PIP4K2B: variants seen among roughly 807,000 people sequenced by gnomAD.
PIP4K2B encodes phosphatidylinositol-5-phosphate 4-kinase type 2 beta.
Under a neutral mutation model 42.0 loss-of-function variants are expected in PIP4K2B, and 3 were observed. The ratio of observed to expected loss-of-function variants is 0.07; its 90% CI spans 0.03 to 0.18. The LOEUF (loss-of-function observed/expected upper bound fraction) is 0.18, where lower values mean the gene tolerates loss of function less well. Among genes scored for constraint, PIP4K2B ranks in the 10% least tolerant of loss-of-function variants. The pLI is 1.00. For missense variants in PIP4K2B, 332 were observed against 562.3 expected, an observed-to-expected ratio of 0.59 and a Z score of 4.14; for synonymous variants, 204 against 210.1, an observed-to-expected ratio of 0.97 and a Z score of 0.25.
intron 7 of PIP4K2B, chr17:38,776,627 T>A (rs1567654725): frequency 2.4e-6 from 1 of 423,912 alleles, no homozygotes; most frequent in Non-Finnish European, 4.7e-6. Context: ...GAGAATCTCC[T>A]AAAAAAAAAC....
At chr17:38,790,413 G>A (rs920511043) in intron 1 of PIP4K2B, among the ~76,000 whole-genome samples, 5 of 152,182 alleles carry the variant, frequency 3.3e-5, no homozygotes, top group African/African-American at 7.2e-5. Flanking sequence ...TCGGCTGGGC[G>A]CAGTGGCTCA....
rs779324819 is a variant in PIP4K2B, at chr17:38,786,844, A to G, written c.236T>C (p.Val79Ala). Residue 79 changes from valine (V) to alanine (A), a missense_variant, in exon 2 of 10, where the codon GTG (valine) becomes GCG (alanine). This residue lies in a region of PIP4K2B where 186 missense variants were observed against 288.4 expected (regional missense o/e 0.64). Transcript: ENST00000619039. ...DDFKAYSKIK[V>A]DNHLFNKENL... ...TTACTTATTGAAGAGATGATTGTCC[A>G]CCTTGATCTTGCTGTAGGCTTTGAA... 17 of 1,609,930 alleles carry G rather than the reference A, an allele frequency of 1.1e-5. No individual in the cohort carries two copies. The highest frequency in any genetic ancestry group is 1.4e-5 in the Non-Finnish European group (16 of 1,176,246).
chr17:38,784,161 C>G (rs1038719256), intron 3 of PIP4K2B, 82 bp downstream of exon 3: 17 of 826,180 alleles, frequency 2.1e-5, no homozygotes, highest in Non-Finnish European at 3.5e-5. Flanking sequence ...ACAGCCAACA[C>G]GTTTTGATTC....
At chr17:38,794,361 C>A (rs1274243245) in intron 1 of PIP4K2B, among the ~76,000 whole-genome samples, 1 of 151,876 alleles carries the variant, frequency 6.6e-6, no homozygotes, top group Non-Finnish European at 1.5e-5. Context: ...CATAAAGTTT[C>A]ATTCAAGCGA....
chr17:38,794,399 A>AT (rs1426147012), intron 1 of PIP4K2B, among the ~76,000 whole-genome samples: 1 of 151,796 alleles, frequency 6.6e-6, no homozygotes, highest in East Asian at 1.9e-4. Flanking sequence ...GAGCTGCACT[A>AT]TGACACTGTT....
At chr17:38,793,651 G>A (rs1432431556) in intron 1 of PIP4K2B, among the ~76,000 whole-genome samples, 1 of 152,114 alleles carries the variant, frequency 6.6e-6, no homozygotes, top group Non-Finnish European at 1.5e-5. Flanking sequence ...TGGGCAAATC[G>A]CTTGAGCCCA....
Position 38,784,416 on chromosome 17 carries a change from A to G in PIP4K2B, c.258-77T>C, listed in dbSNP as rs1034573670. The G allele has an allele frequency of 8.6e-6, 7 of 814,672 alleles. No homozygotes were observed. In the African/African-American group the frequency reaches 1.0e-4, roughly 12 times the overall value. 50.5% of individuals were successfully genotyped at this position (814,672 alleles called of 1,614,324 possible). On this transcript the variant is annotated intron_variant, in intron 2 of 9. Coordinates refer to ENST00000619039, the MANE Select transcript of PIP4K2B (RefSeq NM_003559.5). ...TTCTATTATTATTATTATTTTTTGTAATAGAGACAGAGTCTTGCTATGTTG... is the reference window on the plus strand; with the variant it reads ...TTCTATTATTATTATTATTTTTTGTGATAGAGACAGAGTCTTGCTATGTTG...
At chr17:38,788,066 T>C (rs1295275433) in intron 1 of PIP4K2B, among the ~76,000 whole-genome samples, 1 of 152,192 alleles carries the variant, frequency 6.6e-6, no homozygotes, top group Non-Finnish European at 1.5e-5. Flanking sequence ...ATTAAGGCCT[T>C]TGAATATCTT....
At chr17:38,771,791 G>A (rs554543692) in intron 7 of PIP4K2B, among the ~76,000 whole-genome samples, 6 of 152,128 alleles carry the variant, frequency 3.9e-5, no homozygotes, top group South Asian at 2.1e-4. Context: ...AACTTTGGGA[G>A]GCCAATTAAG....
chr17:38,771,145 A>G lies in PIP4K2B; in HGVS notation c.935T>C (p.Val312Ala). ...ATAGGAGCAGAGTAGGTTGCCACCCACCCCATCATTCTCACACTCCTCGTC... is the reference window on the plus strand; with the variant it reads ...ATAGGAGCAGAGTAGGTTGCCACCCGCCCCATCATTCTCACACTCCTCGTC... ...AEDEECENDG[V>A]GGNLLCSYGT... is the part of the protein sequence containing the mutation. The change falls in exon 8 of 10, where the codon GTG (valine) becomes GCG (alanine). Residue 312 changes from valine to alanine, a missense_variant. Val to Ala is a moderately conservative substitution (Grantham distance 64, BLOSUM62 0). Around this residue, in one of 6 missense-constraint regions of PIP4K2B, gnomAD observed 63 missense variants for 71.6 expected, o/e 0.88. Transcript: ENST00000619039. The G allele has an allele frequency of 6.2e-7, 1 of 1,613,708 alleles. No homozygotes were observed. The highest frequency in any genetic ancestry group is 8.5e-7 in the Non-Finnish European group (1 of 1,179,940).
In PIP4K2B at chr17:38,792,393, C is replaced by T. The variant is rs1363062172; in HGVS notation, c.160-5473G>A. Among the ~76,000 whole-genome samples, 5 of 152,140 alleles carry T rather than the reference C, an allele frequency of 3.3e-5. 1 individual carries two copies. Among genetic ancestry groups the T allele is most frequent in the Admixed American group, 2.6e-4 (4 of 15,260 alleles). On this transcript the variant is annotated intron_variant, in intron 1 of 9. Transcript: ENST00000619039. The stretch of plus-strand genomic sequence containing the variant: ...CCCTGGGCTCAAGCAATCCATCCAC[C>T]TCAGTCTCTCAAAGTGAGAGGTATG...
At position 38,768,980 on chromosome 17, in the gene PIP4K2B, T is replaced by C. The variant is rs1271050690; in HGVS notation, c.*711A>G. 1 of 152,656 alleles carries C rather than the reference T, an allele frequency of 6.6e-6. No individual in the cohort carries two copies. Among genetic ancestry groups the C allele is most frequent in the Non-Finnish European group, 1.5e-5 (1 of 68,064 alleles). The allele number at this position is 152,656 out of a possible 1,614,324, so 9.5% of individuals were successfully genotyped here. On this transcript the variant is annotated 3_prime_UTR_variant, in exon 10 of 10. Transcript: ENST00000619039. Reference sequence around the variant, plus strand: ...TCACCATCCCATGAGGATGAACTTATTCCCCTCTGAGATCTCTGATTCTGA... The same window carrying C: ...TCACCATCCCATGAGGATGAACTTACTCCCCTCTGAGATCTCTGATTCTGA...
In PIP4K2B at chr17:38,769,136, A is replaced by T. The variant is rs1434816850; in HGVS notation, c.*555T>A. On this transcript the variant is annotated 3_prime_UTR_variant, in exon 10 of 10. Coordinates refer to ENST00000619039, the MANE Select transcript of PIP4K2B (RefSeq NM_003559.5). ...ACTCCATAAATTACAAAGTTAATCC[A>T]GACAAGAGCAAATGCAGCAGGGCGA... The T allele has an allele frequency of 6.5e-6, 1 of 153,474 alleles. No homozygotes were observed. Among genetic ancestry groups the T allele is most frequent in the East Asian group, 1.9e-4 (1 of 5,226 alleles). 9.5% of individuals were successfully genotyped at this position (153,474 alleles called of 1,614,324 possible).
chr17:38,772,879 C>T (rs1470840506), intron 7 of PIP4K2B, among the ~76,000 whole-genome samples: 2 of 152,134 alleles, frequency 1.3e-5, no homozygotes, highest in Non-Finnish European at 2.9e-5. Flanking sequence ...CTGCACCTGG[C>T]CAGCTTTAAG....
rs367792367 is a variant in PIP4K2B at position 38,785,603 on chromosome 17, C to T, written c.257+1220G>A. Among the ~76,000 whole-genome samples, 4 of 152,236 alleles carry T rather than the reference C, an allele frequency of 2.6e-5. No individual in the cohort carries two copies. In the East Asian group the frequency reaches 7.7e-4, roughly 29 times the overall value. ...CTGAGGCAGCAGAATCACTTGAACC[C>T]GGGAGGCAGAGGTTGCAGTGAGCCA... On this transcript the variant is annotated intron_variant, in intron 2 of 9. Transcript: ENST00000619039.
intron 1 of PIP4K2B, among the ~76,000 whole-genome samples, chr17:38,795,056 C>T (rs1193797181): frequency 7.4e-6 from 1 of 134,824 alleles, no homozygotes; most frequent in Admixed American, 8.0e-5. Flanking sequence ...GCCAAGATCA[C>T]ACCGTTGCAC....
intron 7 of PIP4K2B, chr17:38,776,655 A>C: frequency 2.3e-6 from 1 of 434,092 alleles, no homozygotes; most frequent in Non-Finnish European, 4.6e-6. Context: ...ACAAACAAAC[A>C]AAAAAAACAC....
chr17:38,769,887 A>C (rs1330240699), intron 9 of PIP4K2B, 116 bp from the exon 10 acceptor site: 1 of 882,314 alleles, frequency 1.1e-6, no homozygotes, highest in Non-Finnish European at 1.9e-6. Flanking sequence ...GCTGAATACC[A>C]CCCCCAACCC....
intron 1 of PIP4K2B, among the ~76,000 whole-genome samples, chr17:38,791,406 ATT>A (rs58027566): frequency 3.3e-5 from 3 of 91,156 alleles, no homozygotes; most frequent in Middle Eastern, 5.7e-3. Flanking sequence ...CAGACTGCCA[ATT>A]TTTTTTTTTT....
Sources: allele counts gnomAD v4.1 joint callset (sites outside exome capture counted in the v4.1 genomes callset), GRCh38; gene constraint gnomAD v4.1.1; regional missense constraint gnomAD v4.1.1; transcripts MANE v1.5; gene names NCBI Gene and HGNC (gene_info 2026-07-23, HGNC 2026-07-21).